The following THSD7B variants were observed in gnomAD, a reference collection of about 807,000 sequenced individuals.
THSD7B encodes thrombospondin type 1 domain containing 7B, also known as thrombospondin type-1 domain-containing protein 7B.
Under a neutral mutation model 213.6 loss-of-function variants are expected in THSD7B, and 138 were observed. The ratio of observed to expected loss-of-function variants is 0.65; its 90% CI spans 0.56 to 0.74. The LOEUF is 0.74. THSD7B is among the 30% of genes least tolerant of loss of function. THSD7B has a pLI of 0.00. For missense variants in THSD7B, 1,931 were observed against 1,991.5 expected (o/e 0.97, Z 0.58); for synonymous variants, 742 against 687.0 (o/e 1.08, Z -1.25).
chr2:137,057,603 G>A (rs74564947), intron 3 of THSD7B, among the ~76,000 whole-genome samples: 3,352 of 152,188 alleles, frequency 0.022, 117 homozygotes, highest in African/African-American at 0.078. Flanking sequence ...TGTGGGATAT[G>A]AATTATGTAA....
At chr2:137,642,080 A>G (rs1461357171) in intron 20 of THSD7B, among the ~76,000 whole-genome samples, 2 of 152,186 alleles carry the variant, frequency 1.3e-5, no homozygotes, top group Non-Finnish European at 2.9e-5. Context: ...GGCTTAAAAT[A>G]TGAGGTATTT....
At chr2:137,414,643 G>C (rs1300596868) in intron 14 of THSD7B, among the ~76,000 whole-genome samples, 1 of 152,140 alleles carries the variant, frequency 6.6e-6, no homozygotes, top group Non-Finnish European at 1.5e-5. Flanking sequence ...ACTTGAGTTT[G>C]TGGGAGGTCA....
chr2:137,191,103 G>A (rs1680647979), intron 7 of THSD7B, among the ~76,000 whole-genome samples: 1 of 152,194 alleles, frequency 6.6e-6, no homozygotes, highest in Non-Finnish European at 1.5e-5. Context: ...CTCTGGCAGA[G>A]TCTGCTGTCT....
chr2:137,277,586 C>T (rs1682902850), intron 12 of THSD7B, among the ~76,000 whole-genome samples: 1 of 151,990 alleles, frequency 6.6e-6, no homozygotes, highest in Admixed American at 6.6e-5. Context: ...TAAAATCACT[C>T]CAAAGAACAA....
At chr2:137,614,266 T>C (rs766159538) in intron 17 of THSD7B, among the ~76,000 whole-genome samples, 5 of 152,194 alleles carry the variant, frequency 3.3e-5, no homozygotes, top group African/African-American at 4.8e-5. Flanking sequence ...TTAAATCTTA[T>C]CAAATTTCAT....
At chr2:137,506,962 T>C (rs1364863168) in intron 15 of THSD7B, among the ~76,000 whole-genome samples, 4 of 152,190 alleles carry the variant, frequency 2.6e-5, no homozygotes, top group Non-Finnish European at 5.9e-5. Flanking sequence ...AATCACATAA[T>C]TGGTGTTTTC....
intron 7 of THSD7B, among the ~76,000 whole-genome samples, chr2:137,226,214 A>G (rs1342700633): frequency 2.6e-5 from 4 of 151,892 alleles, no homozygotes; most frequent in East Asian, 1.9e-4. Context: ...ATAGCATACA[A>G]GAGGAAATAT....
intron 7 of THSD7B, among the ~76,000 whole-genome samples, chr2:137,188,236 A>G (rs1680587868): frequency 1.3e-5 from 2 of 152,142 alleles, no homozygotes; most frequent in Non-Finnish European, 2.9e-5. Flanking sequence ...TAGTGCTGAG[A>G]CCAGAATCCA....
intron 15 of THSD7B, among the ~76,000 whole-genome samples, chr2:137,500,057 T>C (rs1679664887): frequency 6.6e-6 from 1 of 152,148 alleles, no homozygotes; most frequent in African/African-American, 2.4e-5. Context: ...CAAAACCATA[T>C]GTTTCAAGAC....
At chr2:137,195,752 A>C (rs988774924) in intron 7 of THSD7B, among the ~76,000 whole-genome samples, 27 of 152,200 alleles carry the variant, frequency 1.8e-4, no homozygotes, top group African/African-American at 6.0e-4. Context: ...TTAAAAAATC[A>C]GTATTCGTAA....
In THSD7B at chr2:136,821,907, C is replaced by T. The variant is rs75220129; in HGVS notation, c.-36+56220C>T. ...ACAGAGCTTGTGCTATGCATAGGACCTAGTAAGACTTCAATAAATGTATGC... is the reference window on the plus strand; with the variant it reads ...ACAGAGCTTGTGCTATGCATAGGACTTAGTAAGACTTCAATAAATGTATGC... On this transcript the variant is annotated intron_variant, in intron 1 of 27. Transcript: ENST00000409968. Among the ~76,000 whole-genome samples the T allele has an allele frequency of 3.6e-3, 547 of 152,222 alleles. 24 individuals carry two copies. The East Asian group carries it at 0.078, about 22-fold the overall frequency.
chr2:137,068,918 C>G (rs1687427975), intron 3 of THSD7B, among the ~76,000 whole-genome samples: 1 of 152,046 alleles, frequency 6.6e-6, no homozygotes, highest in African/African-American at 2.4e-5. Flanking sequence ...CTTTATCAAT[C>G]TAGGACACGA....
chr2:137,315,772 C>A (rs1038576344), intron 12 of THSD7B, among the ~76,000 whole-genome samples: 1 of 152,148 alleles, frequency 6.6e-6, no homozygotes, highest in Non-Finnish European at 1.5e-5. Flanking sequence ...GATAGCTAGC[C>A]AGTTATCCCT....
In THSD7B at chr2:137,450,845, G is replaced by A. The variant is rs1298257917; in HGVS notation, c.2960G>A (p.Gly987Asp). 1 of 1,598,420 alleles carries A rather than the reference G, an allele frequency of 6.3e-7. No individual in the cohort carries two copies. The highest frequency in any genetic ancestry group is 1.4e-5 in the African/African-American group (1 of 74,044). Residue 987 changes from glycine to aspartate, a missense_variant and splice_region_variant, in exon 15 of 28, where the codon GGT becomes GAT. Gly to Asp is a moderately conservative substitution (Grantham distance 94). Transcript: ENST00000409968. ...CTTCTCTTAAATCTTTTTCTGTCAG[G>A]TTACATTCAAGAAAAATGTGTCATT... ...PVDPSFCSSS[G>D]YIQEKCVIPC...
At chr2:137,042,329 G>GA (rs1277336728) in intron 2 of THSD7B, among the ~76,000 whole-genome samples, 1 of 152,010 alleles carries the variant, frequency 6.6e-6, no homozygotes, top group Admixed American at 6.5e-5. Context: ...TTGAGGTTAA[G>GA]AAAAAAGATC....
intron 2 of THSD7B, among the ~76,000 whole-genome samples, chr2:136,962,264 T>G (rs1055285891): frequency 6.6e-6 from 1 of 152,084 alleles, no homozygotes; most frequent in Non-Finnish European, 1.5e-5. Context: ...GACAGCTTGG[T>G]TTTTAGCCCA....
Position 137,271,474 on chromosome 2 carries a change from A to AT in THSD7B, c.2267-1059_2267-1058insT, listed in dbSNP as rs1291608772. 5.0e-4 allele frequency among the ~76,000 whole-genome samples: 73 copies of AT among 144,870 alleles called. 3 individuals are homozygous for AT. Among genetic ancestry groups the AT allele is most frequent in the African/African-American group, 1.2e-3 (48 of 39,464 alleles). Reference sequence around the variant, plus strand: ...TAATATAATATATAATATAATATATAATATAAAATCATATATATATTATTC... The same window carrying AT: ...TAATATAATATATAATATAATATATATATATAAAATCATATATATATTATTC... On this transcript the variant is annotated intron_variant, in intron 10 of 27. Coordinates refer to ENST00000409968, the MANE Select transcript of THSD7B (RefSeq NM_001316349.2).
At chr2:136,786,292 G>A (rs1681847030) in intron 1 of THSD7B, among the ~76,000 whole-genome samples, 1 of 152,086 alleles carries the variant, frequency 6.6e-6, no homozygotes, top group Non-Finnish European at 1.5e-5. Context: ...TTCATCTCCT[G>A]TAGTACCAAA....
chr2:137,561,666 G>A (rs1189883421), intron 15 of THSD7B, among the ~76,000 whole-genome samples: 1 of 151,940 alleles, frequency 6.6e-6, no homozygotes, highest in African/African-American at 2.4e-5. Flanking sequence ...GTTTGGTTGG[G>A]GTCCTATCTC....
Sources: allele counts gnomAD v4.1 joint callset (sites outside exome capture counted in the v4.1 genomes callset), GRCh38; gene constraint gnomAD v4.1.1; transcripts MANE v1.5; gene names NCBI Gene and HGNC (gene_info 2026-07-23, HGNC 2026-07-21).